UNC13D: variants seen among roughly 807,000 people sequenced by gnomAD.
UNC13D encodes the protein unc-13 homolog D, also known as protein unc-13 homolog D.
A neutral mutation model predicts 151.7 loss-of-function variants in UNC13D; 115 were observed. The observed-to-expected ratio is 0.76, with a 90% CI of 0.65 to 0.88. UNC13D has a LOEUF of 0.88. UNC13D is among the 40% of genes least tolerant of loss of function. UNC13D has a pLI of 0.00. For synonymous variants in UNC13D, 588 were observed against 612.2 expected (o/e 0.96, Z 0.58); for missense variants, 1,369 against 1,438.7 (o/e 0.95, Z 0.78).
Position 75,828,885 on chromosome 17 carries a change from G to C in UNC13D, c.3053C>G (p.Ala1018Gly). 2 of 1,604,756 alleles carry C rather than the reference G, an allele frequency of 1.2e-6. No individual in the cohort carries two copies. The highest frequency in any genetic ancestry group is 1.1e-5 in the South Asian group (1 of 90,562). ...TLGADDLEGEAFLPLREVPGL... is the reference protein window; with the variant it reads ...TLGADDLEGEGFLPLREVPGL... ...GGGCACCTCACGCAGCGGCAGGAAG[G>C]CCTCGCCTTCCAGGTCGTCGGCCCC... Residue 1018 changes from alanine (A) to glycine (G), a missense_variant, in exon 31 of 32, where the codon GCC becomes GGC. Around this residue, in one of 3 missense-constraint regions of UNC13D, gnomAD observed 807 missense variants for 795.5 expected, o/e 1.01. Transcript: ENST00000207549.
At chr17:75,843,663 C>A in intron 1 of UNC13D, 144 bp from the exon 2 acceptor site, 4 of 1,493,534 alleles carry the variant, frequency 2.7e-6, no homozygotes, top group Non-Finnish European at 3.6e-6. Context: ...TGCCCCGCAC[C>A]TGTTCCCCCA....
intron 25 of UNC13D, chr17:75,831,859 G>C (rs1347180903): frequency 5.8e-6 from 1 of 172,918 alleles, no homozygotes; most frequent in East Asian, 1.5e-4. Flanking sequence ...TACTTGGGAG[G>C]CTGAGGCAGG....
At chr17:75,835,382 C>T (rs762020705) in intron 20 of UNC13D, 27 bp downstream of exon 20, 7 of 1,606,616 alleles carry the variant, frequency 4.4e-6, no homozygotes, top group East Asian at 4.5e-5. Context: ...ACCGGGGCCC[C>T]GCCCCCTGCC....
At position 75,833,099 on chromosome 17, in the gene UNC13D, C is replaced by A. The variant is rs796212003; in HGVS notation, c.2368-54G>T. ...GCTCCGGCCCATGTTGGCCCCACCC[C>A]CATCCCCTTCCCCTGACCTGGAGGG... is the stretch of plus-strand genomic sequence containing the variant. On this transcript the variant is annotated intron_variant, in intron 24 of 31. Transcript: ENST00000207549. The surrounding 1 kb of genome is among the most constrained non-coding windows in gnomAD (Gnocchi z 4.0). 1.0e-5 allele frequency: 16 copies of A among 1,524,468 alleles called. No individual in the cohort carries two copies. The African/African-American group carries it at 2.0e-4, about 19-fold the overall frequency. 94.4% of individuals were successfully genotyped at this position (1,524,468 alleles called of 1,614,324 possible).
At chr17:75,831,206 C>G (rs377733524) in intron 26 of UNC13D, 37 bp from the exon 27 acceptor site, 1 of 1,614,090 alleles carries the variant, frequency 6.2e-7, no homozygotes, top group Non-Finnish European at 8.5e-7. Context: ...AGGCACCCTC[C>G]CACCAGGGTT....
In UNC13D at chr17:75,833,983, G is replaced by A; in HGVS notation, c.2367+92C>T. ...GAGAGAACATGCTTTGCCTGGTCTG[G>A]GGGACTTATCTTTGACACCAAGGCC... is the stretch of plus-strand genomic sequence containing the variant. On this transcript the variant is annotated intron_variant, in intron 24 of 31. Coordinates refer to ENST00000207549, the MANE Select transcript of UNC13D (RefSeq NM_199242.3). This position sits in a 1 kb window ranked among gnomAD's most constrained non-coding sequence, Gnocchi z 4.0. 1.3e-6 allele frequency: 2 copies of A among 1,509,940 alleles called. No individual in the cohort carries two copies. The highest frequency in any genetic ancestry group is 9.2e-7 in the Non-Finnish European group (1 of 1,090,348). 93.5% of individuals were successfully genotyped at this position (1,509,940 alleles called of 1,614,324 possible). A position where few individuals can be genotyped will look rare whatever the true frequency, so the allele number is the denominator to read the frequency against.
chr17:75,828,167 G>T, intron 31 of UNC13D, 81 bp from the exon 32 acceptor site: 4 of 1,508,068 alleles, frequency 2.7e-6, no homozygotes, highest in East Asian at 2.5e-5. Context: ...GTGTGGGGGG[G>T]TACACAACAC....
chr17:75,833,078 CG>C lies in UNC13D; in HGVS notation c.2368-34del. On this transcript the variant is annotated intron_variant, in intron 24 of 31. Coordinates refer to ENST00000207549, the MANE Select transcript of UNC13D (RefSeq NM_199242.3). This position sits in a 1 kb window ranked among gnomAD's most constrained non-coding sequence, Gnocchi z 4.0. ...GGGAGATGGGGAGCAGGTGTGGCTCCGGCCCATGTTGGCCCCACCCCCATCC... is the reference window on the plus strand; with the variant it reads ...GGGAGATGGGGAGCAGGTGTGGCTCCGCCCATGTTGGCCCCACCCCCATCC... The C allele has an allele frequency of 1.3e-6, 2 of 1,579,728 alleles. No homozygotes were observed. Among genetic ancestry groups the C allele is most frequent in the Non-Finnish European group, 8.6e-7 (1 of 1,162,608 alleles).
In UNC13D at chr17:75,835,429, G is replaced by A. The variant is rs770785521; in HGVS notation, c.1828C>T (p.Arg610Cys). 18 of 1,612,582 alleles carry A rather than the reference G, an allele frequency of 1.1e-5. No individual in the cohort carries two copies. The highest frequency in any genetic ancestry group is 6.7e-5 in the East Asian group (3 of 44,848). ...TYNEALARVQ[R>C]AVQMDELVPL... ...CCCACCTCATCCATCTGCACAGCGC[G>A]CTGCACCCGCGCCAGGGCCTCGTTG... Residue 610 changes from arginine to cysteine, a missense_variant, in exon 20 of 32, where the codon CGC (arginine) becomes TGC (cysteine). Coordinates refer to ENST00000207549, the MANE Select transcript of UNC13D (RefSeq NM_199242.3).
At chr17:75,836,137 G>A (rs1413989092) in intron 16 of UNC13D, 28 bp from the exon 17 acceptor site, 4 of 1,612,454 alleles carry the variant, frequency 2.5e-6, no homozygotes, top group African/African-American at 1.3e-5. Flanking sequence ...GGCTGGGCAG[G>A]GCTGCCAGAG....
At chr17:75,829,540 G>A (rs568089753) in intron 30 of UNC13D, 118 of 179,962 alleles carry the variant, frequency 6.6e-4, no homozygotes, top group African/African-American at 2.4e-3. Flanking sequence ...TGATCCGCCC[G>A]CCTTGGCCTC....
Position 75,836,935 on chromosome 17 carries a change from G to A in UNC13D, c.1056-17C>T. ...AGCCACTGCCTGCAGGGGACAGGAA[G>A]CCCTCAGCTGGACAGGGAGGAGGAA... On this transcript the variant is annotated splice_polypyrimidine_tract_variant and intron_variant, in intron 12 of 31. Coordinates refer to ENST00000207549, the MANE Select transcript of UNC13D (RefSeq NM_199242.3). 1 of 1,610,994 alleles carries A rather than the reference G, an allele frequency of 6.2e-7. No homozygotes were observed. Among genetic ancestry groups the A allele is most frequent in the Non-Finnish European group, 8.5e-7 (1 of 1,179,660 alleles).
chr17:75,839,588 GC>G (rs2064933087), intron 12 of UNC13D, among the ~76,000 whole-genome samples: 1 of 152,130 alleles, frequency 6.6e-6, no homozygotes, highest in Admixed American at 6.5e-5. Context: ...GCTCACTGCA[GC>G]CTTGAAATCC....
Position 75,842,456 on chromosome 17 carries a change from G to T in UNC13D, c.546C>A (p.Pro182=). The T allele has an allele frequency of 1.2e-6, 2 of 1,613,022 alleles. No homozygotes were observed. Among genetic ancestry groups the T allele is most frequent in the Non-Finnish European group, 1.7e-6 (2 of 1,179,668 alleles). The stretch of plus-strand genomic sequence containing the variant: ...ACAGGATGAAGGTCTCGTCCCAGAC[G>T]GGGTTGAGTGTCTGGGTGATGACCT... ...RTQVITQTLN[P]VWDETFILEF... Residue 182 remains proline (P), a synonymous_variant, in exon 6 of 32, where the codon CCC becomes CCA. Transcript: ENST00000207549.
chr17:75,827,799 C>G lies in UNC13D; in HGVS notation c.*166G>C. ...AGATGTCGCTGCTGAGCCCCCATCA[C>G]CATGGGAGGCAGGGGAGGTCTGCAC... On this transcript the variant is annotated 3_prime_UTR_variant, in exon 32 of 32. Coordinates refer to ENST00000207549, the MANE Select transcript of UNC13D (RefSeq NM_199242.3). 2 of 1,482,554 alleles carry G rather than the reference C, an allele frequency of 1.3e-6. No homozygotes were observed. The highest frequency in any genetic ancestry group is 1.3e-5 in the South Asian group (1 of 76,486). 91.8% of individuals were successfully genotyped at this position (1,482,554 alleles called of 1,614,324 possible).
rs75366116 is a variant in UNC13D, at chr17:75,835,872, G to A, written c.1579C>T (p.Arg527Trp). ...LKIHLFSMAF[R>W]ELQWLVAKRV... ...GGACTCACCAGCCACTGCAGCTCCC[G>A]GAAAGCCATGGAGAAGAGGTGGATC... is the stretch of plus-strand genomic sequence containing the variant. Residue 527 changes from arginine (R) to tryptophan (W), a missense_variant, in exon 18 of 32, where the codon CGG becomes TGG. Transcript: ENST00000207549. 2.9e-3 allele frequency: 4,676 copies of A among 1,614,156 alleles called. 126 individuals carry two copies. In the African/African-American group the frequency reaches 0.055, roughly 19 times the overall value.
rs746271996 is a variant in UNC13D at position 75,842,459 on chromosome 17, G to A, written c.543C>T (p.Asn181=). 1.2e-6 allele frequency: 2 copies of A among 1,613,270 alleles called. No individual in the cohort carries two copies. Among genetic ancestry groups the A allele is most frequent in the Non-Finnish European group, 1.7e-6 (2 of 1,179,840 alleles). ...GGATGAAGGTCTCGTCCCAGACGGG[G>A]TTGAGTGTCTGGGTGATGACCTGCG... ...HRTQVITQTL[N]PVWDETFILE... Residue 181 remains asparagine, a synonymous_variant, in exon 6 of 32, where the codon AAC becomes AAT. Transcript: ENST00000207549.
At chr17:75,834,242 T>C (rs2064890936) in intron 23 of UNC13D, 83 bp downstream of exon 23, 1 of 1,584,824 alleles carries the variant, frequency 6.3e-7, no homozygotes, top group Admixed American at 1.8e-5. Flanking sequence ...GGGGTCAGGG[T>C]TGGACCTTGG....
Position 75,840,595 on chromosome 17 carries a change from C to T in UNC13D, c.684-19G>A, listed in dbSNP as rs1472770205. Reference sequence around the variant, plus strand: ...AAAGATCCTGCGTCAGGCAGGGTCCCATAAGGGGGACGCAGCAAGGGTCGG... The same window carrying T: ...AAAGATCCTGCGTCAGGCAGGGTCCTATAAGGGGGACGCAGCAAGGGTCGG... On this transcript the variant is annotated intron_variant, in intron 8 of 31. Coordinates refer to ENST00000207549, the MANE Select transcript of UNC13D (RefSeq NM_199242.3). This position sits in a 1 kb window ranked among gnomAD's most constrained non-coding sequence, Gnocchi z 4.6. 2 of 1,613,982 alleles carry T rather than the reference C, an allele frequency of 1.2e-6. No individual in the cohort carries two copies. Among genetic ancestry groups the T allele is most frequent in the Non-Finnish European group, 1.7e-6 (2 of 1,180,002 alleles).
Sources: allele counts gnomAD v4.1 joint callset (sites outside exome capture counted in the v4.1 genomes callset), GRCh38; gene constraint gnomAD v4.1.1; regional missense constraint gnomAD v4.1.1; non-coding constraint Gnocchi (gnomAD v3.1); transcripts MANE v1.5; gene names NCBI Gene and HGNC (gene_info 2026-07-23, HGNC 2026-07-21).